The following OFD1 variants were observed in gnomAD, a reference collection of about 807,000 sequenced individuals.
OFD1 encodes centriole and centriolar satellite protein OFD1.
Under a neutral mutation model 81.4 loss-of-function variants are expected in OFD1, and 12 were observed. The ratio of observed to expected loss-of-function variants is 0.15; its 90% CI spans 0.09 to 0.24. OFD1 has a LOEUF of 0.24. OFD1 is among the 10% of genes least tolerant of loss of function. The pLI is 1.00. For missense variants in OFD1, 685 were observed against 733.9 expected, an observed-to-expected ratio of 0.93 and a Z score of 0.77; for synonymous variants, 256 against 263.7, an observed-to-expected ratio of 0.97 and a Z score of 0.28.
intron 6 of OFD1, among the ~76,000 whole-genome samples, chrX:13,746,047 AT>A (rs1385607269): frequency 8.9e-6 from 1 of 112,216 alleles, no homozygotes; most frequent in African/African-American, 3.2e-5. Context: ...CATGATGAAC[AT>A]TTTCAAACAT....
rs1430791515 is a variant in OFD1 at position 13,769,195 on chromosome X, C to T, written c.*87C>T. ...TTGTAAATGTTTCCCTATCATCAGA[C>T]AAAACTCAATAAAAATGTGTGTAAT... On this transcript the variant is annotated 3_prime_UTR_variant, in exon 23 of 23. Coordinates refer to ENST00000340096, the MANE Select transcript of OFD1 (RefSeq NM_003611.3). 11 of 749,959 alleles carry T rather than the reference C, an allele frequency of 1.5e-5. No homozygotes were observed. The highest frequency in any genetic ancestry group is 2.1e-5 in the Non-Finnish European group (10 of 483,731). The allele number at this position is 749,959 out of a possible 1,213,427, so 61.8% of individuals were successfully genotyped here.
In OFD1 at chrX:13,760,391, G is replaced by A; in HGVS notation, c.1931G>A (p.Arg644His). ...AAAGAGCTTCAGCAAGAGGCCGAAC[G>A]CTTGGAAAAGGCTTTCAGAAGTTAC... ...RVKELQQEAERLEKAFRSYHR... is the reference protein window; with the variant it reads ...RVKELQQEAEHLEKAFRSYHR... The change falls in exon 16 of 23, where the codon CGC becomes CAC. Residue 644 changes from arginine (R) to histidine (H), a missense_variant. Transcript: ENST00000340096. 1 of 1,208,575 alleles carries A rather than the reference G, an allele frequency of 8.3e-7. No homozygotes were observed. The highest frequency in any genetic ancestry group is 1.1e-6 in the Non-Finnish European group (1 of 893,692).
chrX:13,753,722 A>G (rs1250933915), intron 11 of OFD1, among the ~76,000 whole-genome samples: 2 of 112,138 alleles, frequency 1.8e-5, no homozygotes, highest in Non-Finnish European at 3.8e-5. Context: ...TAAATCTGCA[A>G]TTGTCAGGAA....
chrX:13,738,454 G>T (rs906418424), intron 3 of OFD1, among the ~76,000 whole-genome samples: 2 of 112,124 alleles, frequency 1.8e-5, no homozygotes, highest in Admixed American at 1.9e-4. Flanking sequence ...ACGGTTTTAA[G>T]GACAGTAAAA....
chrX:13,768,952 A>G, intron 22 of OFD1, 114 bp from the exon 23 acceptor site: 2 of 761,023 alleles, frequency 2.6e-6, no homozygotes, highest in Admixed American at 4.6e-5. Context: ...ATCCTGATAT[A>G]AATTGTAAAC....
At chrX:13,764,626 T>G (rs2048057080) in intron 19 of OFD1, among the ~76,000 whole-genome samples, 2 of 112,286 alleles carry the variant, frequency 1.8e-5, no homozygotes, top group African/African-American at 6.5e-5. Flanking sequence ...AGCCACCTCT[T>G]AGTCCCTCCC....
intron 15 of OFD1, among the ~76,000 whole-genome samples, chrX:13,759,569 G>A (rs2047847904): frequency 8.9e-6 from 1 of 111,866 alleles, no homozygotes; most frequent in African/African-American, 3.3e-5. Context: ...TAAAATGGGA[G>A]CAGTGAGAGT....
chrX:13,745,791 T>C lies in OFD1; in HGVS notation c.518-528T>C, dbSNP rs142580191. Among the ~76,000 whole-genome samples the C allele has an allele frequency of 8.1e-4, 91 of 112,341 alleles. No homozygotes were observed. In the East Asian group the frequency reaches 0.019, roughly 24 times the overall value. On this transcript the variant is annotated intron_variant, in intron 6 of 22. Coordinates refer to ENST00000340096, the MANE Select transcript of OFD1 (RefSeq NM_003611.3). ...AGGGAAGAGTCAGTAGACCTCACTT[T>C]AATCCTGGTTATGCTGTCATGTAGT...
rs2048251550 is a variant in OFD1, at chrX:13,769,162, T to G, written c.*54T>G. 1.1e-6 allele frequency: 1 copy of G among 930,037 alleles called. No homozygotes were observed. Among genetic ancestry groups the G allele is most frequent in the Non-Finnish European group, 1.6e-6 (1 of 640,273 alleles). The allele number at this position is 930,037 out of a possible 1,213,427, so 76.6% of individuals were successfully genotyped here. A position where few individuals can be genotyped will look rare whatever the true frequency, so the allele number is the denominator to read the frequency against. The stretch of plus-strand genomic sequence containing the variant: ...CATACCGTGAGAAGTTACGTAACAT[T>G]TACTCCTTTGTAAATGTTTCCCTAT... On this transcript the variant is annotated 3_prime_UTR_variant, in exon 23 of 23. Transcript: ENST00000340096.
At position 13,745,372 on chromosome X, in the gene OFD1, A is replaced by G. The variant is rs940487145; in HGVS notation, c.517+853A>G. Among the ~76,000 whole-genome samples, 4 of 112,332 alleles carry G rather than the reference A, an allele frequency of 3.6e-5. No individual in the cohort carries two copies. In the Admixed American group the frequency reaches 3.8e-4, roughly 11 times the overall value. On this transcript the variant is annotated intron_variant, in intron 6 of 22. Transcript: ENST00000340096. The stretch of plus-strand genomic sequence containing the variant: ...ATATTTAACCCAATACATGCAAAAT[A>G]TTATTTCAGCATATATTCAATATAA...
At chrX:13,735,160 T>A in intron 1 of OFD1, 77 bp downstream of exon 1, 1 of 1,201,014 alleles carries the variant, frequency 8.3e-7, no homozygotes, top group Non-Finnish European at 1.1e-6. Context: ...CTAGGCCTCT[T>A]ATGGCTTCCC....
At chrX:13,717,496 C>T in the OFD1 span, among the ~76,000 whole-genome samples, 1 of 111,589 alleles carries the variant, frequency 9.0e-6, no homozygotes, top group Admixed American at 9.5e-5. Context: ...AATCCTAGCA[C>T]TTTGGGAGGC....
chrX:13,736,418 T>C, intron 2 of OFD1, 60 bp from the exon 3 acceptor site: 1 of 1,138,142 alleles, frequency 8.8e-7, no homozygotes, highest in African/African-American at 1.8e-5. Context: ...AATGAAACAG[T>C]CCTGCTGAAA....
At chrX:13,760,896 A>G (rs918295283) in intron 16 of OFD1, among the ~76,000 whole-genome samples, 176 bp downstream of exon 16, 2 of 112,235 alleles carry the variant, frequency 1.8e-5, no homozygotes, top group African/African-American at 6.5e-5. Flanking sequence ...GGTTTCCTGC[A>G]TTTTATTATT....
At chrX:13,723,770 A>G in the OFD1 span, among the ~76,000 whole-genome samples, 4 of 110,542 alleles carry the variant, frequency 3.6e-5, no homozygotes, top group African/African-American at 1.3e-4. Flanking sequence ...GATGGTTTCC[A>G]TATGTCTAGC....
intron 3 of OFD1, 85 bp from the exon 4 acceptor site, chrX:13,738,761 A>C (rs2046973785): frequency 1.6e-6 from 1 of 620,012 alleles, no homozygotes; most frequent in South Asian, 2.6e-5. Context: ...ATGTTTCTTA[A>C]TTTCATATTC....
intron 9 of OFD1, 109 bp downstream of exon 9, chrX:13,749,642 G>A (rs2047430695): frequency 1.9e-6 from 1 of 534,102 alleles, no homozygotes; most frequent in Non-Finnish European, 3.3e-6. Flanking sequence ...GTTCTTATTT[G>A]TAAAGGGGAT....
chrX:13,744,497 G>C lies in OFD1; in HGVS notation c.495G>C (p.Ser165=), dbSNP rs764608728. Residue 165 remains serine, a synonymous_variant, in exon 6 of 23, where the codon TCG becomes TCC. Coordinates refer to ENST00000340096, the MANE Select transcript of OFD1 (RefSeq NM_003611.3). ...GTAATATGGAAACTCAGACAAGTTC[G>C]ACATTTAACAGAGATTCTCTGGGTA... ...ESCNMETQTS[S]TFNRDSLAEK... is the part of the protein sequence containing the mutation. 11 of 1,144,045 alleles carry C rather than the reference G, an allele frequency of 9.6e-6. No homozygotes were observed. Among genetic ancestry groups the C allele is most frequent in the Non-Finnish European group, 1.3e-5 (11 of 835,556 alleles). The allele number at this position is 1,144,045 out of a possible 1,213,427, so 94.3% of individuals were successfully genotyped here. A position where few individuals can be genotyped will look rare whatever the true frequency, so the allele number is the denominator to read the frequency against.
At position 13,735,189 on chromosome X, in the gene OFD1, T is replaced by G. The variant is rs776891715; in HGVS notation, c.13-59T>G. Reference sequence around the variant, plus strand: ...GCTTCCCCGGAGGCCACTGGTCTGTTTTCAGACGTTCACGTTCCCTCTGCC... The same window carrying G: ...GCTTCCCCGGAGGCCACTGGTCTGTGTTCAGACGTTCACGTTCCCTCTGCC... On this transcript the variant is annotated intron_variant, in intron 1 of 22. Transcript: ENST00000340096. 6.1e-4 allele frequency: 734 copies of G among 1,195,949 alleles called. 5 individuals carry two copies. In the African/African-American group the frequency reaches 0.011, roughly 18 times the overall value.
Sources: gnomAD v4.1 joint callset for allele counts (sites outside exome capture counted in the v4.1 genomes callset) on GRCh38, gnomAD v4.1.1 for gene constraint, MANE v1.5 for transcripts, NCBI Gene and HGNC (gene_info 2026-07-23, HGNC 2026-07-21) for gene names.